Variants in ASIC2 observed in about 807,000 individuals in gnomAD.
ASIC2 encodes the protein acid-sensing ion channel 2.
In ASIC2, 25 loss-of-function variants were observed where a neutral mutation model predicts 57.3. The ratio of observed to expected loss-of-function variants is 0.44; its 90% CI spans 0.32 to 0.61. The LOEUF (loss-of-function observed/expected upper bound fraction) is 0.61. ASIC2 is among the 20% of genes least tolerant of loss of function. The pLI is 0.06. For missense variants in ASIC2, 641 were observed against 738.1 expected (o/e 0.87, Z 1.52); for synonymous variants, 319 against 307.5 (o/e 1.04, Z -0.39).
At chr17:33,577,119 C>T (rs1416131642) in intron 1 of ASIC2, among the ~76,000 whole-genome samples, 1 of 152,114 alleles carries the variant, frequency 6.6e-6, no homozygotes, top group African/African-American at 2.4e-5. Context: ...ACTGCTAGGG[C>T]TTGAGAAGAC....
intron 1 of ASIC2, among the ~76,000 whole-genome samples, chr17:33,431,893 A>G (rs1313900640): frequency 6.6e-6 from 1 of 152,246 alleles, no homozygotes; most frequent in Non-Finnish European, 1.5e-5. Context: ...GAGTATAACT[A>G]TAATGCACTA....
intron 1 of ASIC2, among the ~76,000 whole-genome samples, chr17:33,147,196 T>C (rs1203942495): frequency 1.3e-5 from 2 of 152,182 alleles, no homozygotes; most frequent in East Asian, 3.9e-4. Context: ...AATTTAAATA[T>C]TTTAGAACAC....
chr17:33,024,020 G>C lies in ASIC2; in HGVS notation c.1196-6C>G. On this transcript the variant is annotated splice_polypyrimidine_tract_variant and splice_region_variant and intron_variant, in intron 5 of 9. Coordinates refer to ENST00000225823, the MANE Select transcript of ASIC2 (RefSeq NM_183377.2). ...GTCCTTTTCCGCCAACAGACCTGGA[G>C]GGGAGAGTGAGGTGGGGCTTAGTCA... is the stretch of plus-strand genomic sequence containing the variant. The C allele has an allele frequency of 2.5e-6, 4 of 1,614,114 alleles. No homozygotes were observed. The highest frequency in any genetic ancestry group is 3.4e-6 in the Non-Finnish European group (4 of 1,179,998).
intron 1 of ASIC2, among the ~76,000 whole-genome samples, chr17:34,130,673 T>C (rs935158448): frequency 2.0e-5 from 3 of 152,226 alleles, no homozygotes; most frequent in East Asian, 1.9e-4. Context: ...CACACCATAA[T>C]GAATCTGTTA....
intron 1 of ASIC2, among the ~76,000 whole-genome samples, chr17:33,491,157 T>G (rs1274739936): frequency 1.3e-5 from 2 of 152,134 alleles, no homozygotes; most frequent in Non-Finnish European, 2.9e-5. Context: ...TTCCTGCATA[T>G]CTCTCATTTG....
intron 1 of ASIC2, among the ~76,000 whole-genome samples, chr17:33,964,233 G>A (rs1567771134): frequency 6.6e-6 from 1 of 152,120 alleles, no homozygotes; most frequent in Non-Finnish European, 1.5e-5. Flanking sequence ...CTCCAGCTTC[G>A]ACTTTCTGAC....
chr17:33,879,304 C>A lies in ASIC2; in HGVS notation c.555+276674G>T, dbSNP rs1914637602. 2.0e-5 allele frequency among the ~76,000 whole-genome samples: 3 copies of A among 152,170 alleles called. No individual in the cohort carries two copies. The South Asian group carries it at 6.2e-4, about 32-fold the overall frequency. ...GGCTAAATGCTCCAATTAAAAGACA[C>A]AGACTGGCAAATTGGATAAAAAGTC... is the stretch of plus-strand genomic sequence containing the variant. On this transcript the variant is annotated intron_variant, in intron 1 of 9. Transcript: ENST00000359872.
At chr17:33,989,715 CT>C (rs554010124) in intron 1 of ASIC2, among the ~76,000 whole-genome samples, 61 of 152,154 alleles carry the variant, frequency 4.0e-4, no homozygotes, top group African/African-American at 1.4e-3. Flanking sequence ...TGTTTTTTTT[CT>C]CATTCTTGAA....
At position 33,593,385 on chromosome 17, in the gene ASIC2, C is replaced by G. The variant is rs560070652; in HGVS notation, c.556-481318G>C. On this transcript the variant is annotated intron_variant, in intron 1 of 9. Transcript: ENST00000359872. Reference sequence around the variant, plus strand: ...TGGTAAAAAAAAAAGCACATTGTGGCTAGGTTATCTTCAAGGGCTCGCCCA... The same window carrying G: ...TGGTAAAAAAAAAAGCACATTGTGGGTAGGTTATCTTCAAGGGCTCGCCCA... Among the ~76,000 whole-genome samples the G allele has an allele frequency of 1.6e-3, 241 of 150,456 alleles. 5 individuals are homozygous for G. The highest frequency in any genetic ancestry group is 5.0e-4 in the Non-Finnish European group (34 of 67,804).
chr17:33,111,218 G>A (rs951211338), intron 2 of ASIC2, among the ~76,000 whole-genome samples: 2 of 152,190 alleles, frequency 1.3e-5, no homozygotes, highest in Admixed American at 6.5e-5. Flanking sequence ...TACCCTTGGT[G>A]CTTTCCCTGA....
intron 1 of ASIC2, among the ~76,000 whole-genome samples, chr17:33,169,743 C>T (rs1905437144): frequency 6.6e-6 from 1 of 152,184 alleles, no homozygotes; most frequent in African/African-American, 2.4e-5. Context: ...GTCTCACATC[C>T]TTCTCTGCCA....
In ASIC2 at chr17:34,155,670, C is replaced by T. The variant is rs1904690970; in HGVS notation, c.555+308G>A. ...CTCGGACACCAAGCGGACCGGACAA[C>T]GGACAGCCCAGGCCTCCTCCCTCTG... On this transcript the variant is annotated intron_variant, in intron 1 of 9. Transcript: ENST00000359872. The T allele has an allele frequency of 2.0e-5, 7 of 351,688 alleles. No individual in the cohort carries two copies. The South Asian group carries it at 2.6e-4, about 13-fold the overall frequency. The allele number at this position is 351,688 out of a possible 1,614,324, so 21.8% of individuals were successfully genotyped here. A position where few individuals can be genotyped will look rare whatever the true frequency, so the allele number is the denominator to read the frequency against.
chr17:33,697,122 C>G (rs986496627), intron 1 of ASIC2, among the ~76,000 whole-genome samples: 1 of 152,172 alleles, frequency 6.6e-6, no homozygotes, highest in East Asian at 1.9e-4. Flanking sequence ...ACCTGCACCC[C>G]CTTTGCCTTC....
chr17:33,155,782 A>G (rs1904984833), intron 1 of ASIC2, among the ~76,000 whole-genome samples: 1 of 150,532 alleles, frequency 6.6e-6, no homozygotes, highest in Non-Finnish European at 1.5e-5. Flanking sequence ...CTGGTCTCCA[A>G]CTCCTGACTT....
chr17:33,734,648 G>A (rs1352442460), intron 1 of ASIC2, among the ~76,000 whole-genome samples: 1 of 152,174 alleles, frequency 6.6e-6, no homozygotes, highest in African/African-American at 2.4e-5. Context: ...TTGTAATTAA[G>A]GTTAAATGAG....
At chr17:33,932,757 TATATAG>T (rs1356156026) in intron 1 of ASIC2, 1 of 131,950 alleles carries the variant, frequency 7.6e-6, no homozygotes, top group African/African-American at 2.9e-5. Flanking sequence ...TATATATATA[TATATAG>T]TATGATAAAT....
chr17:34,143,239 T>G (rs1567837015), intron 1 of ASIC2, among the ~76,000 whole-genome samples: 1 of 152,202 alleles, frequency 6.6e-6, no homozygotes. Flanking sequence ...TCTTACTGAG[T>G]GACGTTGTGC....
chr17:34,075,474 A>C (rs1023217233), intron 1 of ASIC2, among the ~76,000 whole-genome samples: 1 of 152,176 alleles, frequency 6.6e-6, no homozygotes, highest in Non-Finnish European at 1.5e-5. Flanking sequence ...TCTAAATAAT[A>C]TCTGACACCA....
At chr17:33,043,022 G>C (rs1039019377) in intron 3 of ASIC2, among the ~76,000 whole-genome samples, 2 of 150,836 alleles carry the variant, frequency 1.3e-5, no homozygotes, top group Admixed American at 6.6e-5. Context: ...CGCCTCCCAG[G>C]TTCATGCCAT....
Sources: allele counts gnomAD v4.1 joint callset (sites outside exome capture counted in the v4.1 genomes callset), GRCh38; gene constraint gnomAD v4.1.1; transcripts MANE v1.5; gene names NCBI Gene and HGNC (gene_info 2026-07-23, HGNC 2026-07-21).